Variants in PHTF2 observed in about 807,000 individuals in gnomAD.
The protein encoded by PHTF2 is putative homeodomain transcription factor 2.
In PHTF2, 60 loss-of-function variants were observed where a neutral mutation model predicts 101.2. The ratio of observed to expected loss-of-function variants is 0.59; its 90% CI spans 0.48 to 0.73. PHTF2 has a LOEUF of 0.73. PHTF2 is among the 30% of genes least tolerant of loss of function. The pLI, the probability that PHTF2 is intolerant of heterozygous loss-of-function variation, is 0.00. For missense variants in PHTF2, 747 were observed against 908.7 expected (o/e 0.82, Z 2.29); for synonymous variants, 311 against 307.3 (o/e 1.01, Z -0.13).
intron 2 of PHTF2, among the ~76,000 whole-genome samples, chr7:77,844,690 A>G (rs1359742045): frequency 1.3e-5 from 2 of 151,914 alleles, no homozygotes; most frequent in Non-Finnish European, 2.9e-5. Context: ...ACGGCCAGCT[A>G]ATTTTTGTAT....
chr7:77,834,543 A>G (rs967635872), intron 1 of PHTF2, among the ~76,000 whole-genome samples: 10 of 152,058 alleles, frequency 6.6e-5, no homozygotes, highest in African/African-American at 1.7e-4. Flanking sequence ...CAAGTCCTAT[A>G]CTCACGTGTC....
chr7:77,841,229 G>T (rs563596775), intron 2 of PHTF2, among the ~76,000 whole-genome samples: 2 of 151,524 alleles, frequency 1.3e-5, no homozygotes, highest in Admixed American at 6.6e-5. Flanking sequence ...ACAGGCATAT[G>T]CTACCATGCC....
chr7:77,860,240 GA>G (rs1797522579), intron 3 of PHTF2, among the ~76,000 whole-genome samples: 1 of 152,096 alleles, frequency 6.6e-6, no homozygotes, highest in Admixed American at 6.6e-5. Flanking sequence ...TATAAAATTG[GA>G]GCAGTTGAGT....
chr7:77,887,091 GA>G (rs1799928476), intron 3 of PHTF2, among the ~76,000 whole-genome samples: 1 of 151,224 alleles, frequency 6.6e-6, no homozygotes, highest in African/African-American at 2.4e-5. Context: ...ATATAAGGCA[GA>G]AAGGAAAAGT....
intron 3 of PHTF2, among the ~76,000 whole-genome samples, chr7:77,882,458 A>G (rs1229168245): frequency 6.6e-6 from 1 of 152,196 alleles, no homozygotes; most frequent in Non-Finnish European, 1.5e-5. Context: ...TGATTTATAG[A>G]AAAATAAATA....
At chr7:77,903,122 T>C (rs1487615291) in intron 7 of PHTF2, among the ~76,000 whole-genome samples, 1 of 152,208 alleles carries the variant, frequency 6.6e-6, no homozygotes, top group African/African-American at 2.4e-5. Context: ...TCAAAGTCTT[T>C]GTAAATATAA....
chr7:77,940,466 G>A, intron 14 of PHTF2, 62 bp from the exon 14 acceptor site: 1 of 1,399,266 alleles, frequency 7.1e-7, no homozygotes, highest in Non-Finnish European at 9.7e-7. Flanking sequence ...TTCATATTTT[G>A]TTAATTTTGT....
At chr7:77,947,902 G>A (rs1249393661) in intron 16 of PHTF2, among the ~76,000 whole-genome samples, 14 of 130,276 alleles carry the variant, frequency 1.1e-4, no homozygotes, top group African/African-American at 1.7e-4. Flanking sequence ...GCAGTGGCAC[G>A]ATCTCAGCTC....
intron 18 of PHTF2, among the ~76,000 whole-genome samples, chr7:77,952,865 G>T (rs554841725): frequency 6.6e-6 from 1 of 152,202 alleles, no homozygotes; most frequent in African/African-American, 2.4e-5. Context: ...TCTCAAGTCC[G>T]CTGATTCAGT....
chr7:77,852,930 A>G (rs1052435495), intron 2 of PHTF2, among the ~76,000 whole-genome samples: 5 of 152,134 alleles, frequency 3.3e-5, no homozygotes, highest in African/African-American at 1.2e-4. Flanking sequence ...TAAGGTTTCC[A>G]CTGAGAAGTC....
intron 8 of PHTF2, 94 bp downstream of exon 7, chr7:77,909,052 T>C: frequency 1.4e-6 from 1 of 710,434 alleles, no homozygotes; most frequent in South Asian, 3.1e-5. Context: ...ACTAAAATCT[T>C]ATCTTGTAAG....
intron 1 of PHTF2, among the ~76,000 whole-genome samples, chr7:77,800,037 G>A (rs1320699607): frequency 1.3e-5 from 2 of 151,776 alleles, no homozygotes; most frequent in African/African-American, 4.8e-5. Context: ...AAGAGACTTA[G>A]TATTTGATCT....
chr7:77,845,155 C>A (rs1444566462), intron 2 of PHTF2, among the ~76,000 whole-genome samples: 1 of 152,090 alleles, frequency 6.6e-6, no homozygotes, highest in East Asian at 1.9e-4. Flanking sequence ...GAAATAGGGA[C>A]CTGAAATTAC....
chr7:77,945,767 G>T (rs1182093091), intron 16 of PHTF2, among the ~76,000 whole-genome samples: 2 of 151,974 alleles, frequency 1.3e-5, no homozygotes, highest in Non-Finnish European at 2.9e-5. Flanking sequence ...TATTAAAACG[G>T]ACTCAAAAAG....
intron 3 of PHTF2, among the ~76,000 whole-genome samples, chr7:77,857,202 C>CT (rs897055063): frequency 3.2e-4 from 49 of 152,156 alleles, no homozygotes; most frequent in African/African-American, 1.2e-3. Context: ...ACTCTTGCTT[C>CT]TTTCATGGGG....
chr7:77,804,435 C>T (rs1407094680), intron 1 of PHTF2, among the ~76,000 whole-genome samples: 1 of 152,184 alleles, frequency 6.6e-6, no homozygotes, highest in African/African-American at 2.4e-5. Flanking sequence ...AAGCAATTCT[C>T]CTGCCTCAGC....
At chr7:77,804,928 A>T (rs1265452036) in intron 1 of PHTF2, among the ~76,000 whole-genome samples, 1 of 152,252 alleles carries the variant, frequency 6.6e-6, no homozygotes, top group African/African-American at 2.4e-5. Flanking sequence ...ATACCAACAT[A>T]CTGATATCAA....
chr7:77,854,143 G>A (rs1796981079), intron 2 of PHTF2, among the ~76,000 whole-genome samples: 1 of 152,206 alleles, frequency 6.6e-6, no homozygotes, highest in South Asian at 2.1e-4. Context: ...TTTGGTCACT[G>A]CAGCCATGTC....
intron 17 of PHTF2, among the ~76,000 whole-genome samples, chr7:77,950,592 T>C (rs761780821): frequency 2.0e-5 from 3 of 151,980 alleles, no homozygotes; most frequent in Non-Finnish European, 4.4e-5. Flanking sequence ...ACCCCGGAGG[T>C]TGCAGTGAGC....
Sources: gnomAD v4.1 joint callset for allele counts (sites outside exome capture counted in the v4.1 genomes callset) on GRCh38, gnomAD v4.1.1 for gene constraint, MANE v1.5 for transcripts, NCBI Gene and HGNC (gene_info 2026-07-23, HGNC 2026-07-21) for gene names.